RARB: variants seen among roughly 807,000 people sequenced by gnomAD.
RARB encodes retinoic acid receptor beta.
RARB carries 17 observed loss-of-function variants against 51.9 expected under a neutral mutation model. The observed-to-expected ratio is 0.33, with a 90% CI of 0.22 to 0.49. The LOEUF is 0.49. Among genes scored for constraint, RARB ranks in the 20% least tolerant of loss-of-function variants. The probability of loss-of-function intolerance (pLI) is 0.99; values close to 1 mark genes in which losing one functional copy is unlikely to be tolerated. For missense variants in RARB, 369 were observed against 550.8 expected, an observed-to-expected ratio of 0.67 and a Z score of 3.30; for synonymous variants, 215 against 195.4, an observed-to-expected ratio of 1.10 and a Z score of -0.84.
At chr3:24,859,544 A>G (rs1422814589) in intron 2 of RARB, among the ~76,000 whole-genome samples, 1 of 152,194 alleles carries the variant, frequency 6.6e-6, no homozygotes, top group Non-Finnish European at 1.5e-5. Context: ...TGGTGTTTCT[A>G]AATGTGGTAA....
chr3:25,423,982 A>ATT (rs1707924066), upstream of RARB, among the ~76,000 whole-genome samples: 3 of 152,250 alleles, frequency 2.0e-5, no homozygotes, highest in African/African-American at 7.2e-5. Context: ...CAGAAAGCAC[A>ATT]GAAGCACTAA....
intron 5 of RARB, among the ~76,000 whole-genome samples, chr3:25,307,751 T>C (rs1704188233): frequency 6.6e-6 from 1 of 152,174 alleles, no homozygotes; most frequent in African/African-American, 2.4e-5. Flanking sequence ...AGGGTGTAGA[T>C]TTCTTAGATA....
chr3:25,164,505 C>T (rs375571263), intron 4 of RARB, among the ~76,000 whole-genome samples: 1 of 152,100 alleles, frequency 6.6e-6, no homozygotes, highest in African/African-American at 2.4e-5. Flanking sequence ...CTCAAATGTA[C>T]CTTGAAAATT....
intron 2 of RARB, among the ~76,000 whole-genome samples, chr3:24,919,911 A>T (rs1374350403): frequency 1.3e-5 from 2 of 152,150 alleles, no homozygotes. Context: ...AAAATGGCAA[A>T]ATGAAGGTGT....
intron 1 of RARB, among the ~76,000 whole-genome samples, chr3:25,439,410 T>G (rs999388813): frequency 1.3e-5 from 2 of 152,190 alleles, no homozygotes; most frequent in South Asian, 2.1e-4. Flanking sequence ...ACATGTCTTA[T>G]TTTTTATTTT....
intron 5 of RARB, among the ~76,000 whole-genome samples, chr3:25,380,483 C>T (rs991787474): frequency 6.6e-6 from 1 of 152,124 alleles, no homozygotes; most frequent in African/African-American, 2.4e-5. Flanking sequence ...TTTCCCTGAC[C>T]CAGCCCTTGT....
intron 5 of RARB, among the ~76,000 whole-genome samples, chr3:25,358,603 AT>A (rs1299081392): frequency 6.6e-6 from 1 of 152,172 alleles, no homozygotes; most frequent in African/African-American, 2.4e-5. Flanking sequence ...TCAGTATGAT[AT>A]TGGCTGTGCG....
chr3:25,522,591 A>C (rs1284366605), intron 3 of RARB, among the ~76,000 whole-genome samples: 2 of 152,072 alleles, frequency 1.3e-5, no homozygotes, highest in Non-Finnish European at 2.9e-5. Context: ...TTGAGAGCAA[A>C]TTTGGAGGTG....
chr3:25,058,431 A>G (rs775791333), intron 2 of RARB, among the ~76,000 whole-genome samples: 3 of 151,856 alleles, frequency 2.0e-5, no homozygotes, highest in Non-Finnish European at 2.9e-5. Context: ...AAACTTACAC[A>G]GTTCTGTCCT....
intron 1 of RARB, among the ~76,000 whole-genome samples, chr3:25,455,968 T>C (rs925372485): frequency 1.3e-5 from 2 of 152,220 alleles, no homozygotes; most frequent in East Asian, 1.9e-4. Flanking sequence ...TGCAGTGTAG[T>C]TGTTTTATTG....
chr3:24,993,040 T>C (rs527255702), intron 2 of RARB, among the ~76,000 whole-genome samples: 135 of 152,292 alleles, frequency 8.9e-4, no homozygotes, highest in Non-Finnish European at 1.0e-3. Context: ...ATAAAAAATA[T>C]TAGAAATCTA....
At chr3:25,569,523 C>T (rs1330868158) in intron 3 of RARB, among the ~76,000 whole-genome samples, 1 of 152,218 alleles carries the variant, frequency 6.6e-6, no homozygotes, top group Non-Finnish European at 1.5e-5. Flanking sequence ...AGCCCAAGCT[C>T]TCCAAACAAC....
chr3:25,199,715 G>A (rs553128359), intron 5 of RARB, among the ~76,000 whole-genome samples: 16 of 152,188 alleles, frequency 1.1e-4, no homozygotes, highest in South Asian at 2.1e-4. Flanking sequence ...TTGACCTTGC[G>A]ATAGTTTGCT....
At chr3:25,496,243 A>G (rs1330345052) in intron 2 of RARB, among the ~76,000 whole-genome samples, 5 of 152,216 alleles carry the variant, frequency 3.3e-5, no homozygotes, top group Admixed American at 1.3e-4. Flanking sequence ...GCCCTGAGCT[A>G]TTCAGCTGGT....
At chr3:25,496,299 C>T (rs1009381682) in intron 2 of RARB, among the ~76,000 whole-genome samples, 2 of 152,186 alleles carry the variant, frequency 1.3e-5, no homozygotes, top group African/African-American at 4.8e-5. Flanking sequence ...GAAACATTTT[C>T]CTGCCAGTTT....
chr3:25,061,509 T>G (rs1698548306), intron 3 of RARB, among the ~76,000 whole-genome samples: 1 of 151,892 alleles, frequency 6.6e-6, no homozygotes, highest in African/African-American at 2.4e-5. Flanking sequence ...TTTATGACTT[T>G]GTAACTTTGT....
In RARB at chr3:24,850,715, C is replaced by T. The variant is rs536539125; in HGVS notation, c.-458-7959C>T. 2.0e-5 allele frequency among the ~76,000 whole-genome samples: 3 copies of T among 152,276 alleles called. No individual in the cohort carries two copies. The East Asian group carries it at 5.8e-4, about 29-fold the overall frequency. On this transcript the variant is annotated intron_variant, in intron 1 of 11. Transcript: ENST00000383772. ...TGGGTCTTTGGGTTAGACCTGAGAGCCTGTGCTAAAGTTAATAACCTAGCG... is the reference window on the plus strand; with the variant it reads ...TGGGTCTTTGGGTTAGACCTGAGAGTCTGTGCTAAAGTTAATAACCTAGCG...
chr3:24,904,931 G>A (rs540702415), intron 2 of RARB, among the ~76,000 whole-genome samples: 10 of 152,274 alleles, frequency 6.6e-5, no homozygotes, highest in South Asian at 2.1e-4. Context: ...CAAACACTGC[G>A]TGTTCTCAGT....
chr3:24,913,484 G>A (rs957327117), intron 2 of RARB, among the ~76,000 whole-genome samples: 2 of 149,890 alleles, frequency 1.3e-5, no homozygotes, highest in East Asian at 2.0e-4. Flanking sequence ...TCAATTCAAG[G>A]GCAGAGTGAA....
Sources: allele counts gnomAD v4.1 joint callset (sites outside exome capture counted in the v4.1 genomes callset), GRCh38; gene constraint gnomAD v4.1.1; transcripts MANE v1.5; gene names NCBI Gene and HGNC (gene_info 2026-07-23, HGNC 2026-07-21).